Variants in HERC1 observed in about 807,000 individuals in gnomAD.
The protein encoded by HERC1 is HECT and RLD domain containing E3 ubiquitin protein ligase family member 1, also known as probable E3 ubiquitin-protein ligase HERC1.
A neutral mutation model predicts 554.3 loss-of-function variants in HERC1; 160 were observed. The observed-to-expected ratio is 0.29, with a 90% CI of 0.25 to 0.33. The LOEUF is 0.33. Ranked by LOEUF, HERC1 falls within the 10% of genes least tolerant of loss-of-function variation. The pLI, the probability that HERC1 is intolerant of heterozygous loss-of-function variation, is 1.00. For missense variants in HERC1, 4,919 were observed against 5,918.5 expected, an observed-to-expected ratio of 0.83 and a Z score of 5.54; for synonymous variants, 2,175 against 2,131.7, an observed-to-expected ratio of 1.02 and a Z score of -0.56.
At chr15:63,833,793 G>GCACACACACACACACACACACACACACA (rs1567176634) in intron 1 of HERC1, 34 bp downstream of exon 1, 1 of 146,238 alleles carries the variant, frequency 6.8e-6, no homozygotes, top group African/African-American at 2.6e-5. Context: ...ACACACACAG[G>GCACACACACACACACACACACACACACA]ACCAGGAGGA....
In HERC1 at chr15:63,642,930, T is replaced by C. The variant is rs1024177416; in HGVS notation, c.11433+27A>G. Reference sequence around the variant, plus strand: ...TAAAGTTCCTTACAAGCTTACACCCTATCATTTGATATAACTACAATATTA... The same window carrying C: ...TAAAGTTCCTTACAAGCTTACACCCCATCATTTGATATAACTACAATATTA... On this transcript the variant is annotated intron_variant, in intron 59 of 77. Coordinates refer to ENST00000443617, the MANE Select transcript of HERC1 (RefSeq NM_003922.4). The C allele has an allele frequency of 2.3e-6, 3 of 1,306,482 alleles. No homozygotes were observed. In the African/African-American group the frequency reaches 4.3e-5, roughly 19 times the overall value. The allele number at this position is 1,306,482 out of a possible 1,614,324, so 80.9% of individuals were successfully genotyped here.
At chr15:63,641,342 G>T in intron 60 of HERC1, 128 bp downstream of exon 60, 1 of 690,956 alleles carries the variant, frequency 1.4e-6, no homozygotes, top group Non-Finnish European at 2.2e-6. Context: ...ACCTTCATTT[G>T]ATTCTGCCCA....
At position 63,689,147 on chromosome 15, in the gene HERC1, G is replaced by A. The variant is rs561820476; in HGVS notation, c.6048+442C>T. Among the ~76,000 whole-genome samples, 189 of 152,290 alleles carry A rather than the reference G, an allele frequency of 1.2e-3. 1 individual carries two copies. The highest frequency in any genetic ancestry group is 4.4e-3 in the African/African-American group (182 of 41,566). On this transcript the variant is annotated intron_variant, in intron 33 of 77. Coordinates refer to ENST00000443617, the MANE Select transcript of HERC1 (RefSeq NM_003922.4). ...AATATACGGAGATCCGGGAGAAAGC[G>A]TTTTGAAAATAACAAAAGGCTAGAG... is the stretch of plus-strand genomic sequence containing the variant.
chr15:63,808,087 T>C (rs1387153061), intron 1 of HERC1, among the ~76,000 whole-genome samples: 2 of 149,634 alleles, frequency 1.3e-5, no homozygotes, highest in South Asian at 2.1e-4. Context: ...TATTCCTTTA[T>C]GGAAGTTTAG....
chr15:63,623,817 G>A lies in HERC1; in HGVS notation c.13519C>T (p.Leu4507=), dbSNP rs1389981767. The part of the protein sequence containing the change: ...VVKLNASDLR[L]PSRAWKVKLV... ...TTAACCTTCCACGCTCGGGAAGGCA[G>A]GCGGAGGTCTGAAGCATTCAGCTTA... The change falls in exon 73 of 78, where the codon CTG becomes TTG. Residue 4507 remains leucine (L), a synonymous_variant. Transcript: ENST00000443617. 1.4e-5 allele frequency: 23 copies of A among 1,613,878 alleles called. No individual in the cohort carries two copies. Among genetic ancestry groups the A allele is most frequent in the Non-Finnish European group, 1.9e-5 (22 of 1,179,874 alleles).
chr15:63,711,739 T>C (rs1462114026), intron 24 of HERC1, among the ~76,000 whole-genome samples: 2 of 152,202 alleles, frequency 1.3e-5, no homozygotes, highest in Non-Finnish European at 2.9e-5. Flanking sequence ...TGTCACATGA[T>C]ATGACCAAGA....
At chr15:63,669,348 T>A (rs148058998) in intron 40 of HERC1, among the ~76,000 whole-genome samples, 190 bp downstream of exon 40, 1 of 152,342 alleles carries the variant, frequency 6.6e-6, no homozygotes, top group Non-Finnish European at 1.5e-5. Context: ...ACATTATTTC[T>A]CTCCGAAATG....
In HERC1 at chr15:63,719,924, A is replaced by G. The variant is rs2073737503; in HGVS notation, c.3743-1027T>C. Among the ~76,000 whole-genome samples, 5 of 152,150 alleles carry G rather than the reference A, an allele frequency of 3.3e-5. No homozygotes were observed. The South Asian group carries it at 1.0e-3, about 32-fold the overall frequency. ...ACATTCTAGAGGAGATAGTGAGTAA[A>G]CTAGTCAAATATACATGTATCTGGT... On this transcript the variant is annotated intron_variant, in intron 19 of 77. Coordinates refer to ENST00000443617, the MANE Select transcript of HERC1 (RefSeq NM_003922.4).
intron 58 of HERC1, 32 bp from the exon 59 acceptor site, chr15:63,643,090 A>AT: frequency 1.6e-6 from 2 of 1,240,288 alleles, no homozygotes; most frequent in Admixed American, 3.6e-5. Context: ...AATACACACC[A>AT]TTGAACTGTA....
chr15:63,823,733 C>T (rs940877076), intron 1 of HERC1, among the ~76,000 whole-genome samples: 1 of 152,006 alleles, frequency 6.6e-6, no homozygotes, highest in African/African-American at 2.4e-5. Context: ...TCTTATGAAA[C>T]CCAGTTGAAA....
intron 70 of HERC1, 27 bp downstream of exon 70, chr15:63,628,650 C>T (rs763028090): frequency 1.3e-6 from 2 of 1,591,830 alleles, no homozygotes; most frequent in African/African-American, 1.4e-5. Context: ...AGAAACGCTG[C>T]AGGAGCATGA....
intron 2 of HERC1, among the ~76,000 whole-genome samples, chr15:63,773,206 G>C (rs2076003138): frequency 6.6e-6 from 1 of 152,132 alleles, no homozygotes. Context: ...AGTGTGGGAG[G>C]CCAAGGTGGG....
chr15:63,811,712 G>C (rs533289740), intron 1 of HERC1, among the ~76,000 whole-genome samples: 59 of 151,372 alleles, frequency 3.9e-4, no homozygotes, highest in African/African-American at 1.4e-3. Flanking sequence ...AGGAGGCTGA[G>C]GCAGGAGAAT....
chr15:63,746,270 C>A (rs1300826598), intron 12 of HERC1, among the ~76,000 whole-genome samples: 1 of 151,830 alleles, frequency 6.6e-6, no homozygotes, highest in Non-Finnish European at 1.5e-5. Flanking sequence ...CTTGTAATTT[C>A]TTTCTTTGAT....
chr15:63,653,430 G>A (rs569139073), intron 51 of HERC1, among the ~76,000 whole-genome samples: 7 of 152,156 alleles, frequency 4.6e-5, no homozygotes, highest in South Asian at 2.1e-4. Context: ...GTGAGACTCC[G>A]TTAAAAAAAA....
rs556897964 is a variant in HERC1, at chr15:63,683,108, C to G, written c.6226-2332G>C. 2.7e-5 allele frequency among the ~76,000 whole-genome samples: 4 copies of G among 147,592 alleles called. No individual in the cohort carries two copies. In the South Asian group the frequency reaches 8.6e-4, roughly 32 times the overall value. ...CCGAGCTTGTGCCACTGCACTCCAGCCTGGGCAACAGAGCTACACTCTGTC... is the reference window on the plus strand; with the variant it reads ...CCGAGCTTGTGCCACTGCACTCCAGGCTGGGCAACAGAGCTACACTCTGTC... On this transcript the variant is annotated intron_variant, in intron 34 of 77. Coordinates refer to ENST00000443617, the MANE Select transcript of HERC1 (RefSeq NM_003922.4).
At position 63,653,709 on chromosome 15, in the gene HERC1, T is replaced by C. The variant is rs139192703; in HGVS notation, c.10290+410A>G. Among the ~76,000 whole-genome samples, 63 of 152,344 alleles carry C rather than the reference T, an allele frequency of 4.1e-4. 1 individual carries two copies. The highest frequency in any genetic ancestry group is 1.3e-3 in the African/African-American group (55 of 41,578). On this transcript the variant is annotated intron_variant, in intron 51 of 77. Coordinates refer to ENST00000443617, the MANE Select transcript of HERC1 (RefSeq NM_003922.4). ...TAAATACCTAACAGAATGTAAATAC[T>C]ATGTAAACAGTTATACTGTACTTTT...
chr15:63,694,880 T>C lies in HERC1; in HGVS notation c.5136A>G (p.Ala1712=). ...TTTCAATCTGAATATTTCTCTTAGC[T>C]GCTCTGATCCCATCCTGAATTACAC... ...RLHHYQDGIR[A]AKRNIQIEIQ... Residue 1712 remains alanine (A), a synonymous_variant, in exon 28 of 78, where the codon GCA becomes GCG. Coordinates refer to ENST00000443617, the MANE Select transcript of HERC1 (RefSeq NM_003922.4). This position sits in a 1 kb window ranked among gnomAD's most constrained non-coding sequence, Gnocchi z 4.3. The C allele has an allele frequency of 6.2e-7, 1 of 1,613,304 alleles. No homozygotes were observed. The highest frequency in any genetic ancestry group is 8.5e-7 in the Non-Finnish European group (1 of 1,179,518).
chr15:63,634,025 C>T (rs556099487), intron 66 of HERC1, 55 bp from the exon 67 acceptor site: 1 of 1,597,798 alleles, frequency 6.3e-7, no homozygotes, highest in East Asian at 2.2e-5. Context: ...AACACACTCC[C>T]CCGTTTCTGG....
Sources: allele counts gnomAD v4.1 joint callset (sites outside exome capture counted in the v4.1 genomes callset), GRCh38; gene constraint gnomAD v4.1.1; non-coding constraint Gnocchi (gnomAD v3.1); transcripts MANE v1.5; gene names NCBI Gene and HGNC (gene_info 2026-07-23, HGNC 2026-07-21).